The following FRMD4A variants were observed in gnomAD, a reference collection of about 807,000 sequenced individuals.
The protein encoded by FRMD4A is FERM domain containing 4A.
A neutral mutation model predicts 129.1 loss-of-function variants in FRMD4A; 29 were observed. The observed-to-expected ratio is 0.22, with a 90% CI of 0.17 to 0.31. The LOEUF (loss-of-function observed/expected upper bound fraction) is 0.31, where lower values mean the gene tolerates loss of function less well. Ranked by LOEUF, FRMD4A falls within the 10% of genes least tolerant of loss-of-function variation. FRMD4A has a pLI of 1.00. For missense variants in FRMD4A, 1,272 were observed against 1,375.8 expected, an observed-to-expected ratio of 0.92 and a Z score of 1.19; for synonymous variants, 634 against 571.6, an observed-to-expected ratio of 1.11 and a Z score of -1.56.
At chr10:14,185,526 G>T (rs573936539) in intron 2 of FRMD4A, among the ~76,000 whole-genome samples, 6 of 152,140 alleles carry the variant, frequency 3.9e-5, no homozygotes, top group Non-Finnish European at 8.8e-5. Context: ...GTTTGTTGTA[G>T]AACTATGGAA....
chr10:14,329,481 A>C (rs1414864260), intron 2 of FRMD4A, among the ~76,000 whole-genome samples: 1 of 152,216 alleles, frequency 6.6e-6, no homozygotes, highest in Non-Finnish European at 1.5e-5. Context: ...TCACACACAG[A>C]TAAATGCCTG....
chr10:14,153,319 GC>G (rs1235624444), intron 2 of FRMD4A, among the ~76,000 whole-genome samples: 49 of 152,294 alleles, frequency 3.2e-4, no homozygotes, highest in African/African-American at 1.2e-3. Flanking sequence ...CTTTTGTGTT[GC>G]CTTCTGCATG....
intron 2 of FRMD4A, among the ~76,000 whole-genome samples, chr10:14,223,097 CAACAACAACAAT>C (rs1161164152): frequency 6.6e-6 from 1 of 152,014 alleles, no homozygotes; most frequent in Non-Finnish European, 1.5e-5. Context: ...GTCTCAAAAA[CAACAACAACAAT>C]AACAACAACA....
chr10:14,237,481 C>G (rs1843868422), intron 2 of FRMD4A, among the ~76,000 whole-genome samples: 1 of 152,116 alleles, frequency 6.6e-6, no homozygotes, highest in African/African-American at 2.4e-5. Context: ...CAGGCCCACA[C>G]CACAATGTCC....
chr10:13,792,522 G>A (rs1381770338), intron 5 of FRMD4A, among the ~76,000 whole-genome samples: 2 of 152,150 alleles, frequency 1.3e-5, no homozygotes, highest in African/African-American at 2.4e-5. Flanking sequence ...TCTCGCCTTC[G>A]TAACTTATTA....
intron 2 of FRMD4A, among the ~76,000 whole-genome samples, chr10:14,114,608 G>T (rs1028362174): frequency 2.0e-5 from 3 of 152,174 alleles, no homozygotes; most frequent in African/African-American, 2.4e-5. Flanking sequence ...GAGGGGCGTG[G>T]AGGAAGACTC....
chr10:14,106,194 G>A (rs1190391044), intron 2 of FRMD4A, among the ~76,000 whole-genome samples: 1 of 152,146 alleles, frequency 6.6e-6, no homozygotes, highest in East Asian at 1.9e-4. Flanking sequence ...ATTCATTTAT[G>A]GAGTCAAACA....
intron 2 of FRMD4A, among the ~76,000 whole-genome samples, chr10:14,229,709 G>A (rs1300093332): frequency 6.6e-6 from 1 of 152,138 alleles, no homozygotes; most frequent in Non-Finnish European, 1.5e-5. Context: ...AAAATGTTGG[G>A]ATTACAGGTG....
At chr10:14,305,895 T>G (rs1846334678) in intron 2 of FRMD4A, among the ~76,000 whole-genome samples, 1 of 152,148 alleles carries the variant, frequency 6.6e-6, no homozygotes, top group Non-Finnish European at 1.5e-5. Flanking sequence ...TACTGCATAT[T>G]CTCACTTATA....
intron 8 of FRMD4A, among the ~76,000 whole-genome samples, chr10:13,751,813 C>T (rs147602692): frequency 0.015 from 2,353 of 152,144 alleles, 72 homozygotes; most frequent in African/African-American, 0.054. Flanking sequence ...GAGTTTGAGA[C>T]CAGCCTGGGC....
At chr10:13,858,977 C>T in intron 2 of FRMD4A, 65 bp from the exon 3 acceptor site, 2 of 955,620 alleles carry the variant, frequency 2.1e-6, no homozygotes, top group Admixed American at 3.4e-5. Flanking sequence ...TAGAGGGTCG[C>T]CGACGCTGCA....
chr10:14,172,422 C>T (rs1841524154), intron 2 of FRMD4A, among the ~76,000 whole-genome samples: 1 of 152,104 alleles, frequency 6.6e-6, no homozygotes. Flanking sequence ...ATTTCTCCCC[C>T]GACTATAGCA....
At chr10:13,985,648 C>T (rs2095578437) in intron 2 of FRMD4A, among the ~76,000 whole-genome samples, 1 of 152,190 alleles carries the variant, frequency 6.6e-6, no homozygotes, top group African/African-American at 2.4e-5. Flanking sequence ...CCCTGGCAGG[C>T]ACCAGTCTCC....
chr10:13,705,333 A>C (rs2087313657), intron 13 of FRMD4A, among the ~76,000 whole-genome samples: 1 of 152,214 alleles, frequency 6.6e-6, no homozygotes, highest in Admixed American at 6.5e-5. Context: ...ATAGGGCGAC[A>C]GACGCACAGA....
chr10:13,724,203 A>G (rs1043920491), intron 12 of FRMD4A, among the ~76,000 whole-genome samples: 1 of 151,970 alleles, frequency 6.6e-6, no homozygotes, highest in African/African-American at 2.4e-5. Flanking sequence ...CCTGGCTAAC[A>G]TGGTGAAACC....
intron 4 of FRMD4A, among the ~76,000 whole-genome samples, chr10:13,801,365 G>C (rs969595843): frequency 6.6e-6 from 1 of 152,206 alleles, no homozygotes; most frequent in African/African-American, 2.4e-5. Context: ...GAGGACAAAT[G>C]AATTTCCTTC....
At chr10:14,198,822 G>A (rs575516777) in intron 2 of FRMD4A, among the ~76,000 whole-genome samples, 1 of 152,246 alleles carries the variant, frequency 6.6e-6, no homozygotes, top group South Asian at 2.1e-4. Context: ...CGCATTTTAT[G>A]AGCTGCGAGA....
At chr10:14,068,266 C>G (rs908400294) in intron 2 of FRMD4A, among the ~76,000 whole-genome samples, 74 of 152,290 alleles carry the variant, frequency 4.9e-4, no homozygotes, top group African/African-American at 1.8e-3. Context: ...GAGGCACCAT[C>G]TCTCTGACAG....
intron 2 of FRMD4A, among the ~76,000 whole-genome samples, chr10:13,880,800 G>T (rs1486308639): frequency 6.6e-6 from 1 of 152,054 alleles, no homozygotes; most frequent in Non-Finnish European, 1.5e-5. Flanking sequence ...CAAGACCCCT[G>T]TGTTTAAAAG....
Sources: allele counts gnomAD v4.1 joint callset (sites outside exome capture counted in the v4.1 genomes callset), GRCh38; gene constraint gnomAD v4.1.1; transcripts MANE v1.5; gene names NCBI Gene and HGNC (gene_info 2026-07-23, HGNC 2026-07-21).